The following ROBO1 variants were observed in gnomAD, a reference collection of about 807,000 sequenced individuals.
ROBO1 encodes roundabout guidance receptor 1.
A neutral mutation model predicts 195.9 loss-of-function variants in ROBO1; 149 were observed. That is an observed-to-expected ratio of 0.76 (90% CI 0.67 to 0.87). The LOEUF (loss-of-function observed/expected upper bound fraction) is 0.87, where lower values mean the gene tolerates loss of function less well. Ranked by LOEUF, ROBO1 falls within the 40% of genes least tolerant of loss-of-function variation. The probability of loss-of-function intolerance (pLI) is 0.00; values close to 1 mark genes in which losing one functional copy is unlikely to be tolerated. For synonymous variants in ROBO1, 816 were observed against 733.2 expected (o/e 1.11, Z -1.82); for missense variants, 1,933 against 2,068.3 (o/e 0.93, Z 1.27).
intron 4 of ROBO1, among the ~76,000 whole-genome samples, chr3:78,766,250 T>C (rs1199276712): frequency 6.6e-6 from 1 of 152,186 alleles, no homozygotes; most frequent in Non-Finnish European, 1.5e-5. Context: ...ATTATTTATA[T>C]AGCAGGGAAC....
intron 2 of ROBO1, among the ~76,000 whole-genome samples, chr3:79,353,826 C>T (rs2035438067): frequency 6.6e-6 from 1 of 152,102 alleles, no homozygotes; most frequent in Non-Finnish European, 1.5e-5. Flanking sequence ...GGGCAGAATG[C>T]TTGAGGCCAG....
At chr3:79,093,480 T>C (rs905306268) in intron 3 of ROBO1, among the ~76,000 whole-genome samples, 3 of 152,098 alleles carry the variant, frequency 2.0e-5, no homozygotes, top group African/African-American at 7.2e-5. Flanking sequence ...AAGAAAATAT[T>C]ATAGCATTGA....
chr3:78,821,630 T>C (rs2030968046), intron 4 of ROBO1, among the ~76,000 whole-genome samples: 1 of 152,186 alleles, frequency 6.6e-6, no homozygotes, highest in Non-Finnish European at 1.5e-5. Flanking sequence ...TATAAATTAA[T>C]TGTCAACAGA....
intron 2 of ROBO1, among the ~76,000 whole-genome samples, chr3:79,389,754 T>C (rs535485035): frequency 6.6e-6 from 1 of 152,168 alleles, no homozygotes; most frequent in East Asian, 1.9e-4. Context: ...GAAGTTTATA[T>C]GTAACTAGTT....
chr3:79,721,766 G>T (rs1407050881), intron 1 of ROBO1, among the ~76,000 whole-genome samples: 4 of 152,194 alleles, frequency 2.6e-5, no homozygotes, highest in East Asian at 3.8e-4. Context: ...GACTAGATCA[G>T]AGTCCTGAGG....
At chr3:79,110,610 G>A (rs1252790901) in intron 3 of ROBO1, among the ~76,000 whole-genome samples, 1 of 149,746 alleles carries the variant, frequency 6.7e-6, no homozygotes, top group East Asian at 2.0e-4. Flanking sequence ...GATTTGAAGT[G>A]AGGGAAATAA....
At chr3:78,815,064 A>C (rs1304712047) in intron 4 of ROBO1, among the ~76,000 whole-genome samples, 1 of 152,106 alleles carries the variant, frequency 6.6e-6, no homozygotes, top group Non-Finnish European at 1.5e-5. Flanking sequence ...ATGTTTGTTC[A>C]GGTTCAGACT....
At chr3:79,716,991 A>C (rs1251662501) in intron 1 of ROBO1, among the ~76,000 whole-genome samples, 1 of 151,966 alleles carries the variant, frequency 6.6e-6, no homozygotes, top group African/African-American at 2.4e-5. Flanking sequence ...AAAATTTTGA[A>C]CTGTATTCTG....
At chr3:79,726,879 A>G (rs962241903) in intron 1 of ROBO1, among the ~76,000 whole-genome samples, 1 of 152,180 alleles carries the variant, frequency 6.6e-6, no homozygotes, top group Non-Finnish European at 1.5e-5. Flanking sequence ...ATGGGGGACT[A>G]CTAGGGGCAT....
At chr3:78,752,534 T>G (rs1307449618) in intron 4 of ROBO1, among the ~76,000 whole-genome samples, 1 of 152,164 alleles carries the variant, frequency 6.6e-6, no homozygotes, top group Non-Finnish European at 1.5e-5. Context: ...GTCTTACTTT[T>G]TAGCTGACAG....
chr3:78,904,604 T>C (rs1431889384), intron 4 of ROBO1, among the ~76,000 whole-genome samples: 3 of 151,322 alleles, frequency 2.0e-5, no homozygotes, highest in East Asian at 3.9e-4. Flanking sequence ...TCAGTAAAGG[T>C]TGGAGTGAAC....
intron 4 of ROBO1, among the ~76,000 whole-genome samples, chr3:78,845,509 G>A (rs2033601768): frequency 6.6e-6 from 1 of 151,924 alleles, no homozygotes; most frequent in African/African-American, 2.4e-5. Context: ...CTACGTGTGT[G>A]TTTATACAGA....
At chr3:79,236,447 C>T (rs1381404385) in intron 2 of ROBO1, among the ~76,000 whole-genome samples, 2 of 152,160 alleles carry the variant, frequency 1.3e-5, no homozygotes, top group Non-Finnish European at 2.9e-5. Flanking sequence ...TGTAACCTCA[C>T]TCTCATATAT....
At chr3:79,261,891 A>G (rs781602107) in intron 2 of ROBO1, among the ~76,000 whole-genome samples, 4 of 152,210 alleles carry the variant, frequency 2.6e-5, no homozygotes, top group Non-Finnish European at 5.9e-5. Flanking sequence ...GAGTTGCTCT[A>G]CGTTGTAATT....
intron 1 of ROBO1, among the ~76,000 whole-genome samples, chr3:79,755,748 C>T (rs1704360648): frequency 6.6e-6 from 1 of 152,232 alleles, no homozygotes; most frequent in African/African-American, 2.4e-5. Context: ...CAAGAACCTT[C>T]CTTGTACATA....
At chr3:78,657,398 A>T in intron 17 of ROBO1, 129 bp from the exon 18 acceptor site, 1 of 886,800 alleles carries the variant, frequency 1.1e-6, no homozygotes, top group Non-Finnish European at 1.6e-6. Context: ...GAAGTTTCCA[A>T]AGTCATTTTT....
chr3:79,062,478 C>T (rs1180545867), intron 3 of ROBO1, among the ~76,000 whole-genome samples: 1 of 152,062 alleles, frequency 6.6e-6, no homozygotes, highest in East Asian at 1.9e-4. Context: ...TACCATTTGA[C>T]CCAGTGATCC....
chr3:79,382,662 T>C (rs543034735), intron 2 of ROBO1, among the ~76,000 whole-genome samples: 6 of 152,304 alleles, frequency 3.9e-5, no homozygotes, highest in African/African-American at 1.4e-4. Context: ...TAACATTTTC[T>C]CTTAGACATT....
intron 3 of ROBO1, among the ~76,000 whole-genome samples, chr3:79,112,126 A>G (rs1475705166): frequency 2.0e-5 from 3 of 152,220 alleles, no homozygotes; most frequent in Non-Finnish European, 4.4e-5. Context: ...AAATATGGCT[A>G]CTAGAAAATT....
Sources: gnomAD v4.1 joint callset for allele counts (sites outside exome capture counted in the v4.1 genomes callset) on GRCh38, gnomAD v4.1.1 for gene constraint, MANE v1.5 for transcripts, NCBI Gene and HGNC (gene_info 2026-07-23, HGNC 2026-07-21) for gene names.